The following ZC3H12D variants were observed in gnomAD, a reference collection of about 807,000 sequenced individuals.
The protein encoded by ZC3H12D is probable ribonuclease ZC3H12D.
Under a neutral mutation model 24.2 loss-of-function variants are expected in ZC3H12D, and 11 were observed. The observed-to-expected ratio is 0.46, with a 90% CI of 0.29 to 0.75. ZC3H12D has a LOEUF of 0.75. Ranked by LOEUF, ZC3H12D falls within the 30% of genes least tolerant of loss-of-function variation. The pLI is 0.11. For missense variants in ZC3H12D, 740 were observed against 767.7 expected (o/e 0.96, Z 0.43); for synonymous variants, 333 against 341.8 (o/e 0.97, Z 0.28).
At chr6:149,475,880 G>A (rs1281465755) in intron 1 of ZC3H12D, among the ~76,000 whole-genome samples, 1 of 152,100 alleles carries the variant, frequency 6.6e-6, no homozygotes, top group Non-Finnish European at 1.5e-5. Context: ...GACAGCCTTG[G>A]TCCCTCTCTC....
chr6:149,484,525 CT>C (rs1235041338), intron 1 of ZC3H12D, among the ~76,000 whole-genome samples: 3 of 152,190 alleles, frequency 2.0e-5, no homozygotes, highest in African/African-American at 7.2e-5. Context: ...TCTGGTTAAT[CT>C]TTCCCCCAAA....
intron 1 of ZC3H12D, among the ~76,000 whole-genome samples, chr6:149,480,375 A>T (rs1667510637): frequency 6.6e-6 from 1 of 152,260 alleles, no homozygotes; most frequent in South Asian, 2.1e-4. Context: ...ATCCTAAGTG[A>T]ATTAATGCAG....
chr6:149,456,852 G>A lies in ZC3H12D; in HGVS notation c.494C>T (p.Thr165Met), dbSNP rs1467013238. 3.1e-6 allele frequency: 5 copies of A among 1,608,284 alleles called. No individual in the cohort carries two copies. The highest frequency in any genetic ancestry group is 2.7e-5 in the African/African-American group (2 of 75,054). ...CTTGCCGTGCACCTTGCGGGACGGC[G>A]TGTACACCAGCACCGCCTGCCGCTC... ...ELERQAVLVY[T>M]PSRKVHGKRL... The change falls in exon 4 of 6, where the codon ACG becomes ATG. Residue 165 changes from threonine (T) to methionine (M), a missense_variant. Physicochemically the swap from Thr to Met is moderately conservative, Grantham distance 81. Coordinates refer to ENST00000409806, the MANE Select transcript of ZC3H12D (RefSeq NM_207360.3). The surrounding 1 kb of genome is among the most constrained non-coding windows in gnomAD (Gnocchi z 4.3).
chr6:149,459,185 C>T (rs1289079385), intron 3 of ZC3H12D, among the ~76,000 whole-genome samples: 2 of 152,008 alleles, frequency 1.3e-5, no homozygotes, highest in East Asian at 1.9e-4. Flanking sequence ...AAATTCCTTC[C>T]CTATCCCAAA....
Position 149,484,607 on chromosome 6 carries a change from G to A in ZC3H12D, c.-71+206C>T, listed in dbSNP as rs143243973. Among the ~76,000 whole-genome samples, 31 of 152,222 alleles carry A rather than the reference G, an allele frequency of 2.0e-4. No homozygotes were observed. In the East Asian group the frequency reaches 5.6e-3, roughly 27 times the overall value. ...ATTTCACCTAAATGAAATTAAAGAG[G>A]GTTATCTTATTTTTTTTATTTAGCA... On this transcript the variant is annotated intron_variant, in intron 1 of 5. Coordinates refer to ENST00000409806, the MANE Select transcript of ZC3H12D (RefSeq NM_207360.3).
In ZC3H12D at chr6:149,447,092, T is replaced by C. The variant is rs981461735; in HGVS notation, c.*3591A>G. ...GCAAGCAGCCTGTGTCCTTGGGAAC[T>C]GCCTGCTGCACATCCAGCAAAGGGA... On this transcript the variant is annotated 3_prime_UTR_variant, in exon 6 of 6. Transcript: ENST00000409806. 1.3e-5 allele frequency: 2 copies of C among 152,256 alleles called. No homozygotes were observed. Among genetic ancestry groups the C allele is most frequent in the African/African-American group, 2.4e-5 (1 of 41,472 alleles). 9.4% of individuals were successfully genotyped at this position (152,256 alleles called of 1,614,324 possible).
chr6:149,452,590 C>A lies in ZC3H12D; in HGVS notation c.787+26G>T. On this transcript the variant is annotated intron_variant, in intron 5 of 5. Coordinates refer to ENST00000409806, the MANE Select transcript of ZC3H12D (RefSeq NM_207360.3). The surrounding 1 kb of genome is among the most constrained non-coding windows in gnomAD (Gnocchi z 4.0). ...CCCCCACACAAGGCCCTGAACAGGG[C>A]CTGCGAAGCACTGGGCCCTACCCAC... 6.7e-7 allele frequency: 1 copy of A among 1,501,568 alleles called. No individual in the cohort carries two copies. Among genetic ancestry groups the A allele is most frequent in the Non-Finnish European group, 8.9e-7 (1 of 1,126,124 alleles). The allele number at this position is 1,501,568 out of a possible 1,614,324, so 93.0% of individuals were successfully genotyped here. A position where few individuals can be genotyped will look rare whatever the true frequency, so the allele number is the denominator to read the frequency against.
chr6:149,451,042 G>T lies in ZC3H12D; in HGVS notation c.1225C>A (p.Leu409Met). ...TGTTCGCCCCGCGGCTGGAGCTGCA[G>T]GCCGGGCGGAGGCGGGAGGTCGCCC... Reference protein sequence around the residue: ...SPGDLPPPPGLQLQPRGEHRP... With the variant: ...SPGDLPPPPGMQLQPRGEHRP... Residue 409 changes from leucine (L) to methionine (M), a missense_variant, in exon 6 of 6, where the codon CTG becomes ATG. By Grantham distance (15) the Leu-to-Met change is conservative. Transcript: ENST00000409806. 7.0e-7 allele frequency: 1 copy of T among 1,427,888 alleles called. No individual in the cohort carries two copies. 88.5% of individuals were successfully genotyped at this position (1,427,888 alleles called of 1,614,324 possible). A position where few individuals can be genotyped will look rare whatever the true frequency, so the allele number is the denominator to read the frequency against.
chr6:149,476,903 C>T (rs1776350542), intron 1 of ZC3H12D, among the ~76,000 whole-genome samples: 1 of 152,238 alleles, frequency 6.6e-6, no homozygotes, highest in Admixed American at 6.5e-5. Flanking sequence ...GCACTTAGGA[C>T]AGTGACTCAC....
Position 149,456,780 on chromosome 6 carries a change from T to C in ZC3H12D, c.566A>G (p.Glu189Gly), listed in dbSNP as rs773662263. The change falls in exon 4 of 6, where the codon GAG (glutamate) becomes GGG (glycine). Residue 189 changes from glutamate (E) to glycine (G), a missense_variant. Glu to Gly is a moderately conservative substitution (Grantham distance 98). Coordinates refer to ENST00000409806, the MANE Select transcript of ZC3H12D (RefSeq NM_207360.3). This position sits in a 1 kb window ranked among gnomAD's most constrained non-coding sequence, Gnocchi z 4.3. ...GTTGGAGACGATGACGCCGTCCTGCTCGTAGGCCACCTTCACGATGTAGCG... is the reference window on the plus strand; with the variant it reads ...GTTGGAGACGATGACGCCGTCCTGCCCGTAGGCCACCTTCACGATGTAGCG... ...DDRYIVKVAY[E>G]QDGVIVSNDN... 3 of 1,613,584 alleles carry C rather than the reference T, an allele frequency of 1.9e-6. No individual in the cohort carries two copies. Among genetic ancestry groups the C allele is most frequent in the Non-Finnish European group, 2.5e-6 (3 of 1,179,814 alleles).
At chr6:149,472,096 T>G (rs1271939336) in intron 2 of ZC3H12D, among the ~76,000 whole-genome samples, 1 of 152,140 alleles carries the variant, frequency 6.6e-6, no homozygotes, top group Non-Finnish European at 1.5e-5. Context: ...ACCTGAACCT[T>G]TCACAACTAA....
intron 2 of ZC3H12D, among the ~76,000 whole-genome samples, chr6:149,462,383 C>T: frequency 7.8e-6 from 1 of 128,950 alleles, no homozygotes; most frequent in East Asian, 2.0e-4. Flanking sequence ...CAACAAAAAA[C>T]AAAACAAAAC....
chr6:149,480,882 T>C (rs1776415596), intron 1 of ZC3H12D, among the ~76,000 whole-genome samples: 1 of 151,926 alleles, frequency 6.6e-6, no homozygotes, highest in Non-Finnish European at 1.5e-5. Flanking sequence ...AAGGGCCGTG[T>C]CACACTCCAC....
At chr6:149,477,827 A>G (rs1029779007) in intron 1 of ZC3H12D, among the ~76,000 whole-genome samples, 1 of 152,178 alleles carries the variant, frequency 6.6e-6, no homozygotes, top group Non-Finnish European at 1.5e-5. Flanking sequence ...GGTGTGGTCT[A>G]GGGAAGCCCG....
At chr6:149,460,758 A>G (rs1177199605) in intron 3 of ZC3H12D, among the ~76,000 whole-genome samples, 1 of 151,958 alleles carries the variant, frequency 6.6e-6, no homozygotes, top group East Asian at 1.9e-4. Context: ...TGAACCTGAG[A>G]GGCAGAGGTT....
chr6:149,476,134 T>C (rs1422474843), intron 1 of ZC3H12D, among the ~76,000 whole-genome samples: 1 of 152,204 alleles, frequency 6.6e-6, no homozygotes, highest in Non-Finnish European at 1.5e-5. Context: ...AATATTGTTT[T>C]AGAGTTGTTT....
In ZC3H12D at chr6:149,474,495, G is replaced by A. The variant is rs868741641; in HGVS notation, c.49C>T (p.Arg17Trp). 15 of 1,560,232 alleles carry A rather than the reference G, an allele frequency of 9.6e-6. No homozygotes were observed. The highest frequency in any genetic ancestry group is 8.2e-5 in the South Asian group (7 of 85,832). The change falls in exon 2 of 6, where the codon CGG (arginine) becomes TGG (tryptophan). Residue 17 changes from arginine to tryptophan, a missense_variant. Transcript: ENST00000409806. ...MEFFQKLGYD[R>W]EDVLRVLGKL... is the part of the protein sequence containing the mutation. The stretch of plus-strand genomic sequence containing the variant: ...CCCAACACCCGGAGCACATCCTCCC[G>A]GTCATAGCCCAGCTTCTGGAAGAAT...
chr6:149,478,591 T>A (rs1324292041), intron 1 of ZC3H12D, among the ~76,000 whole-genome samples: 1 of 151,906 alleles, frequency 6.6e-6, no homozygotes, highest in Non-Finnish European at 1.5e-5. Flanking sequence ...TTTTTAAGAG[T>A]ATAAAGGGGC....
Position 149,469,625 on chromosome 6 carries a change from A to C in ZC3H12D, c.305+4614T>G, listed in dbSNP as rs373349002. ...ATCTATGGACTCAGGTATTCAGCTG[A>C]ATGACCCGAGCTGATGTCCCTCTCT... On this transcript the variant is annotated intron_variant, in intron 2 of 5. Transcript: ENST00000409806. Among the ~76,000 whole-genome samples, 13 of 152,316 alleles carry C rather than the reference A, an allele frequency of 8.5e-5. 1 individual carries two copies. Among genetic ancestry groups the C allele is most frequent in the East Asian group, 5.8e-4 (3 of 5,182 alleles).
Sources: allele counts gnomAD v4.1 joint callset (sites outside exome capture counted in the v4.1 genomes callset), GRCh38; gene constraint gnomAD v4.1.1; non-coding constraint Gnocchi (gnomAD v3.1); transcripts MANE v1.5; gene names NCBI Gene and HGNC (gene_info 2026-07-23, HGNC 2026-07-21).